KIAA1217: variants seen among roughly 807,000 people sequenced by gnomAD.
KIAA1217 encodes the protein sickle tail protein homolog.
Under a neutral mutation model 163.9 loss-of-function variants are expected in KIAA1217, and 88 were observed. That is an observed-to-expected ratio of 0.54 (90% CI 0.45 to 0.64). The LOEUF (loss-of-function observed/expected upper bound fraction) is 0.64, where lower values mean the gene tolerates loss of function less well. KIAA1217 is among the 30% of genes least tolerant of loss of function. The pLI, the probability that KIAA1217 is intolerant of heterozygous loss-of-function variation, is 0.00. For synonymous variants in KIAA1217, 903 were observed against 923.1 expected (o/e 0.98, Z 0.39); for missense variants, 2,372 against 2,475.0 (o/e 0.96, Z 0.88).
chr10:24,489,253 A>G (rs1231316023), intron 6 of KIAA1217, among the ~76,000 whole-genome samples: 2 of 151,876 alleles, frequency 1.3e-5, no homozygotes, highest in African/African-American at 4.8e-5. Flanking sequence ...AAAAAAAAAA[A>G]GTTCTATAAA....
intron 4 of KIAA1217, among the ~76,000 whole-genome samples, chr10:24,433,406 G>A (rs1284228843): frequency 6.6e-6 from 1 of 151,882 alleles, no homozygotes; most frequent in Non-Finnish European, 1.5e-5. Flanking sequence ...TCCTAGTGAA[G>A]AAAGCAGATT....
intron 13 of KIAA1217, among the ~76,000 whole-genome samples, chr10:24,525,085 G>T (rs944688450): frequency 3.2e-4 from 48 of 152,204 alleles, no homozygotes; most frequent in African/African-American, 9.6e-4. Flanking sequence ...GCGGCGGGGT[G>T]GGGGGGCAGA....
At chr10:24,112,637 T>C (rs902195510) in intron 2 of KIAA1217, among the ~76,000 whole-genome samples, 1 of 151,686 alleles carries the variant, frequency 6.6e-6, no homozygotes. Context: ...CAGGCTGGAG[T>C]GTGGTGGCAC....
At chr10:24,399,343 T>C (rs933064585) in intron 3 of KIAA1217, among the ~76,000 whole-genome samples, 4 of 152,238 alleles carry the variant, frequency 2.6e-5, no homozygotes, top group Admixed American at 6.5e-5. Flanking sequence ...TACTCACTTT[T>C]AACTTATTCT....
intron 2 of KIAA1217, among the ~76,000 whole-genome samples, chr10:24,310,095 C>A (rs909339055): frequency 6.6e-6 from 1 of 152,134 alleles, no homozygotes; most frequent in African/African-American, 2.4e-5. Flanking sequence ...TTCTTGACTC[C>A]CCTCTAGTTC....
intron 3 of KIAA1217, among the ~76,000 whole-genome samples, chr10:24,391,424 C>A (rs759893640): frequency 4.1e-5 from 6 of 147,002 alleles, no homozygotes; most frequent in Non-Finnish European, 7.4e-5. Flanking sequence ...CAACTCACTG[C>A]AACCTCCACC....
intron 2 of KIAA1217, among the ~76,000 whole-genome samples, chr10:24,297,062 G>C (rs1036570894): frequency 1.6e-4 from 25 of 152,260 alleles, no homozygotes; most frequent in African/African-American, 5.5e-4. Flanking sequence ...GATATTAAAG[G>C]CTTGTTAGCT....
intron 6 of KIAA1217, among the ~76,000 whole-genome samples, chr10:24,477,402 G>A (rs1378540000): frequency 6.6e-6 from 1 of 152,186 alleles, no homozygotes; most frequent in Non-Finnish European, 1.5e-5. Context: ...AAAGCCAGTA[G>A]GTGGCATAAA....
chr10:23,848,790 G>T (rs1839166400), intron 1 of KIAA1217, among the ~76,000 whole-genome samples: 1 of 151,966 alleles, frequency 6.6e-6, no homozygotes, highest in Admixed American at 6.6e-5. Context: ...GAGTCACATG[G>T]CTCCACAGTG....
At chr10:24,265,743 G>T (rs1156684840) in intron 2 of KIAA1217, among the ~76,000 whole-genome samples, 3 of 152,172 alleles carry the variant, frequency 2.0e-5, no homozygotes, top group Admixed American at 1.3e-4. Flanking sequence ...GGGTCAGCAA[G>T]ATGGGCAAGG....
At chr10:24,010,435 AG>A (rs1400149890) in intron 2 of KIAA1217, among the ~76,000 whole-genome samples, 7 of 151,660 alleles carry the variant, frequency 4.6e-5, no homozygotes, top group Admixed American at 4.6e-4. Flanking sequence ...TAAAATAAAA[AG>A]TTTTTTGAAA....
intron 11 of KIAA1217, 109 bp from the exon 12 acceptor site, chr10:24,521,673 C>T: frequency 1.5e-6 from 2 of 1,352,280 alleles, no homozygotes; most frequent in Non-Finnish European, 2.0e-6. Context: ...GTGTGAGCCA[C>T]CCTGTGGCTT....
intron 1 of KIAA1217, among the ~76,000 whole-genome samples, chr10:23,994,137 G>T (rs1846355965): frequency 6.6e-6 from 1 of 152,116 alleles, no homozygotes. Flanking sequence ...GTCTAACCTG[G>T]TCATGACTGT....
intron 2 of KIAA1217, among the ~76,000 whole-genome samples, chr10:24,309,869 C>A (rs1258970674): frequency 6.6e-6 from 1 of 152,198 alleles, no homozygotes. Flanking sequence ...TCTGCTACCA[C>A]AAAGAGGGGC....
intron 2 of KIAA1217, among the ~76,000 whole-genome samples, chr10:24,322,079 G>A (rs1014624866): frequency 3.3e-5 from 5 of 152,088 alleles, no homozygotes; most frequent in Admixed American, 2.6e-4. Context: ...CTCCTGAGTA[G>A]CTGGGATCAC....
intron 1 of KIAA1217, among the ~76,000 whole-genome samples, chr10:23,887,619 C>T (rs953420586): frequency 1.3e-5 from 2 of 151,760 alleles, no homozygotes; most frequent in African/African-American, 4.8e-5. Context: ...CATACATTCT[C>T]GGTTTCTTTT....
chr10:23,906,671 T>G (rs1260248735), intron 1 of KIAA1217, among the ~76,000 whole-genome samples: 3 of 152,072 alleles, frequency 2.0e-5, no homozygotes, highest in Non-Finnish European at 2.9e-5. Flanking sequence ...TTATGATTGG[T>G]GTGGGGTAAG....
intron 10 of KIAA1217, among the ~76,000 whole-genome samples, chr10:24,517,592 CCTTCTT>C (rs929420276): frequency 6.6e-6 from 1 of 152,180 alleles, no homozygotes; most frequent in East Asian, 1.9e-4. Flanking sequence ...TTGTTCTTCT[CCTTCTT>C]CTTCTTCCAA....
chr10:24,165,117 C>T (rs1304796212), intron 2 of KIAA1217, among the ~76,000 whole-genome samples: 4 of 152,150 alleles, frequency 2.6e-5, no homozygotes, highest in Non-Finnish European at 5.9e-5. Flanking sequence ...AGAGAAGTGG[C>T]CAGGAAGCCA....
Sources: allele counts gnomAD v4.1 joint callset (sites outside exome capture counted in the v4.1 genomes callset), GRCh38; gene constraint gnomAD v4.1.1; transcripts MANE v1.5; gene names NCBI Gene and HGNC (gene_info 2026-07-23, HGNC 2026-07-21).